Variants in MAMDC2 observed in about 807,000 individuals in gnomAD.
MAMDC2 encodes MAM domain containing 2.
Under a neutral mutation model 89.8 loss-of-function variants are expected in MAMDC2, and 57 were observed. The ratio of observed to expected loss-of-function variants is 0.63; its 90% confidence interval spans 0.51 to 0.79. The LOEUF is 0.79. Ranked by LOEUF, MAMDC2 falls within the 30% of genes least tolerant of loss-of-function variation. MAMDC2 has a pLI of 0.00. For synonymous variants in MAMDC2, 313 were observed against 293.4 expected, an observed-to-expected ratio of 1.07 and a Z score of -0.68; for missense variants, 800 against 820.6, an observed-to-expected ratio of 0.97 and a Z score of 0.31.
At chr9:70,088,450 C>T (rs1827820115) in intron 2 of MAMDC2, 1 of 151,958 alleles carries the variant, frequency 6.6e-6, no homozygotes, top group Admixed American at 6.6e-5. Flanking sequence ...GTCTGATTGA[C>T]TTTGATCAAG....
At chr9:70,110,406 G>A (rs1828476613) in intron 4 of MAMDC2, among the ~76,000 whole-genome samples, 1 of 152,190 alleles carries the variant, frequency 6.6e-6, no homozygotes, top group Non-Finnish European at 1.5e-5. Flanking sequence ...AGAGGCGCAG[G>A]GAGGAGGAGA....
chr9:70,153,871 A>G (rs568602676), intron 9 of MAMDC2: 5 of 152,288 alleles, frequency 3.3e-5, no homozygotes, highest in Non-Finnish European at 7.4e-5. Context: ...TGGAGCACAA[A>G]TGCCTTGAGA....
intron 5 of MAMDC2, among the ~76,000 whole-genome samples, chr9:70,115,703 C>T (rs12004563): frequency 0.011 from 1,647 of 152,158 alleles, 29 homozygotes; most frequent in African/African-American, 0.037. Context: ...ATAAGTGGCC[C>T]GTCCTCATTT....
chr9:70,145,710 T>C (rs1415858694), intron 9 of MAMDC2, among the ~76,000 whole-genome samples: 1 of 152,200 alleles, frequency 6.6e-6, no homozygotes, highest in Non-Finnish European at 1.5e-5. Flanking sequence ...AAGCATTTTA[T>C]TTATTCATTT....
At chr9:70,163,952 C>CAAAAAAAAAAA (rs34029718) in intron 9 of MAMDC2, among the ~76,000 whole-genome samples, 1 of 70,082 alleles carries the variant, frequency 1.4e-5, no homozygotes, top group Non-Finnish European at 2.7e-5. Context: ...GACTCTGTCT[C>CAAAAAAAAAAA]AAAAAAAAAA....
chr9:70,197,876 T>TCAATAGTAGC (rs1168314188), intron 11 of MAMDC2, among the ~76,000 whole-genome samples: 7 of 152,052 alleles, frequency 4.6e-5, no homozygotes, highest in Non-Finnish European at 7.4e-5. Flanking sequence ...CCTTAGAAAG[T>TCAATAGTAGC]CAATAGTAGC....
Position 70,108,201 on chromosome 9 carries a change from C to T in MAMDC2, c.149-10C>T. ...ATTGATCCTTTTCCTATGTTCCTTT[C>T]TCTTTCCAGGCCATTACATTTATGT... On this transcript the variant is annotated splice_polypyrimidine_tract_variant and intron_variant, in intron 2 of 13. Transcript: ENST00000377182. 6.5e-7 allele frequency: 1 copy of T among 1,547,632 alleles called. No homozygotes were observed. Among genetic ancestry groups the T allele is most frequent in the Non-Finnish European group, 8.7e-7 (1 of 1,149,498 alleles).
At chr9:70,152,241 T>C (rs1165898896) in intron 9 of MAMDC2, among the ~76,000 whole-genome samples, 2 of 152,164 alleles carry the variant, frequency 1.3e-5, no homozygotes, top group Non-Finnish European at 2.9e-5. Flanking sequence ...CTTCCCTGGG[T>C]AGTTTAATCT....
chr9:70,088,848 T>C (rs1215674481), intron 2 of MAMDC2: 5 of 152,072 alleles, frequency 3.3e-5, no homozygotes, highest in Admixed American at 3.3e-4. Context: ...TTGAGGAGAC[T>C]GCTATTTACG....
chr9:70,186,779 C>T (rs1168942874), intron 11 of MAMDC2, among the ~76,000 whole-genome samples: 1 of 152,200 alleles, frequency 6.6e-6, no homozygotes, highest in Non-Finnish European at 1.5e-5. Context: ...GAAGATTTTA[C>T]TTGTAGCGGA....
In MAMDC2 at chr9:70,132,447, C is replaced by T. The variant is rs372472207; in HGVS notation, c.994+835C>T. ...CATGGAAAGTAATTTATGAACTTGGCGTTTGAGGTCTTTCACTCAAGATAG... is the reference window on the plus strand; with the variant it reads ...CATGGAAAGTAATTTATGAACTTGGTGTTTGAGGTCTTTCACTCAAGATAG... On this transcript the variant is annotated intron_variant, in intron 7 of 13. Coordinates refer to ENST00000377182, the MANE Select transcript of MAMDC2 (RefSeq NM_153267.5). Among the ~76,000 whole-genome samples, 6 of 151,710 alleles carry T rather than the reference C, an allele frequency of 4.0e-5. No individual in the cohort carries two copies. The South Asian group carries it at 6.2e-4, about 16-fold the overall frequency.
chr9:70,150,585 C>T (rs536008542), intron 9 of MAMDC2, among the ~76,000 whole-genome samples: 13 of 152,230 alleles, frequency 8.5e-5, no homozygotes, highest in East Asian at 1.9e-4. Flanking sequence ...GTCCTTAATA[C>T]GCTACAGTAA....
intron 11 of MAMDC2, among the ~76,000 whole-genome samples, chr9:70,204,779 T>C (rs1339496882): frequency 2.6e-5 from 4 of 152,096 alleles, no homozygotes; most frequent in Non-Finnish European, 1.5e-5. Flanking sequence ...TTTAAGCCGG[T>C]CTGAAAAGAG....
intron 11 of MAMDC2, among the ~76,000 whole-genome samples, chr9:70,210,508 A>T (rs893914411): frequency 6.6e-6 from 1 of 151,904 alleles, no homozygotes; most frequent in Non-Finnish European, 1.5e-5. Flanking sequence ...CCATCCCTTT[A>T]TTTTGAGCCT....
chr9:70,052,196 A>C (rs1268545662), intron 2 of MAMDC2, among the ~76,000 whole-genome samples: 2 of 152,184 alleles, frequency 1.3e-5, no homozygotes, highest in East Asian at 3.9e-4. Flanking sequence ...AGATGTAAGA[A>C]AGAAGAAATG....
rs768218986 is a variant in MAMDC2 at position 70,126,332 on chromosome 9, G to C, written c.817G>C (p.Glu273Gln). 3 of 1,614,102 alleles carry C rather than the reference G, an allele frequency of 1.9e-6. No individual in the cohort carries two copies. The highest frequency in any genetic ancestry group is 1.6e-4 in the Middle Eastern group (1 of 6,062). The change falls in exon 6 of 14, where the codon GAG becomes CAG. Residue 273 changes from glutamate (E) to glutamine (Q), a missense_variant. Transcript: ENST00000377182. ...CACTCGGGATGTGGCTGGCCTTTAC[G>C]AGGAAATCTGGAAAGCAGACAGGCC... Reference protein sequence around the residue: ...LYTRDVAGLYEEIWKADRPGN... With the variant: ...LYTRDVAGLYQEIWKADRPGN...
chr9:70,201,766 C>A (rs1313110214), intron 11 of MAMDC2, among the ~76,000 whole-genome samples: 1 of 146,464 alleles, frequency 6.8e-6, no homozygotes, highest in Non-Finnish European at 1.5e-5. Flanking sequence ...TCAAATTCTT[C>A]CTGGTTTAGT....
intron 2 of MAMDC2, chr9:70,081,484 A>G (rs1317659075): frequency 1.3e-5 from 2 of 152,088 alleles, no homozygotes; most frequent in Non-Finnish European, 2.9e-5. Context: ...CCATGCACCA[A>G]AGCATATTCA....
intron 2 of MAMDC2, among the ~76,000 whole-genome samples, chr9:70,100,363 A>T (rs1273546514): frequency 3.3e-5 from 5 of 152,108 alleles, no homozygotes; most frequent in Non-Finnish European, 7.3e-5. Context: ...ACATTCAACC[A>T]CTCTACCATA....
Sources: allele counts gnomAD v4.1 joint callset (sites outside exome capture counted in the v4.1 genomes callset), GRCh38; gene constraint gnomAD v4.1.1; transcripts MANE v1.5; gene names NCBI Gene and HGNC (gene_info 2026-07-23, HGNC 2026-07-21).